PLCH1: variants seen among roughly 807,000 people sequenced by gnomAD.
The protein encoded by PLCH1 is 1-phosphatidylinositol 4,5-bisphosphate phosphodiesterase eta-1.
Under a neutral mutation model 126.7 loss-of-function variants are expected in PLCH1, and 60 were observed. The observed-to-expected ratio is 0.47, with a 90% confidence interval of 0.38 to 0.59. PLCH1 has a LOEUF of 0.59. PLCH1 is among the 20% of genes least tolerant of loss of function. The probability of loss-of-function intolerance (pLI) is 0.00; values close to 1 mark genes in which losing one functional copy is unlikely to be tolerated. For missense variants in PLCH1, 1,723 were observed against 2,040.0 expected (o/e 0.84, Z 2.99); for synonymous variants, 719 against 734.9 (o/e 0.98, Z 0.35).
chr3:155,468,269 A>G (rs1193844072), intron 21 of PLCH1, among the ~76,000 whole-genome samples: 1 of 152,224 alleles, frequency 6.6e-6, no homozygotes, highest in East Asian at 1.9e-4. Context: ...CAAAAAAATA[A>G]AAAGCAAGAA....
chr3:155,595,938 G>A (rs1445125306), intron 3 of PLCH1, among the ~76,000 whole-genome samples: 1 of 151,608 alleles, frequency 6.6e-6, no homozygotes, highest in Non-Finnish European at 1.5e-5. Context: ...TTATAGGAAT[G>A]TAAAACATCT....
At chr3:155,457,023 A>T (rs1206648494) in intron 21 of PLCH1, 2 of 152,326 alleles carry the variant, frequency 1.3e-5, no homozygotes, top group African/African-American at 4.8e-5. Flanking sequence ...CTGATTTGGG[A>T]ACAGGCGAGA....
intron 8 of PLCH1, among the ~76,000 whole-genome samples, chr3:155,558,381 G>A (rs1452266084): frequency 6.6e-6 from 1 of 152,138 alleles, no homozygotes; most frequent in South Asian, 2.1e-4. Context: ...CAGATAAAAT[G>A]CCACTAGGTA....
intron 2 of PLCH1, among the ~76,000 whole-genome samples, chr3:155,674,360 C>T (rs1310170272): frequency 1.3e-5 from 2 of 152,118 alleles, no homozygotes; most frequent in Non-Finnish European, 2.9e-5. Context: ...CTTTGTACTC[C>T]AGTCAATTGA....
intron 6 of PLCH1, among the ~76,000 whole-genome samples, chr3:155,574,524 G>A (rs1729679420): frequency 6.6e-6 from 1 of 152,086 alleles, no homozygotes; most frequent in Admixed American, 6.5e-5. Context: ...CTCCTCTCCT[G>A]TTCTCTTTGT....
chr3:155,727,760 A>C (rs753786737), intron 1 of PLCH1, among the ~76,000 whole-genome samples: 11 of 152,184 alleles, frequency 7.2e-5, no homozygotes, highest in Non-Finnish European at 1.5e-4. Context: ...TAAATTCCAG[A>C]TGCATACCTG....
chr3:155,529,759 T>TTTTTGTTTTG (rs71155050), intron 10 of PLCH1, among the ~76,000 whole-genome samples: 110,415 of 150,490 alleles, frequency 0.73, 42,020 homozygotes, highest in Non-Finnish European at 0.85. Context: ...ATTTGCTTCT[T>TTTTTGTTTTG]TTTTGTTTTG....
chr3:155,630,277 G>A (rs1310865292), intron 2 of PLCH1, among the ~76,000 whole-genome samples: 1 of 152,242 alleles, frequency 6.6e-6, no homozygotes, highest in Non-Finnish European at 1.5e-5. Flanking sequence ...CTCAGAGCCA[G>A]TGAATTTTAG....
intron 1 of PLCH1, among the ~76,000 whole-genome samples, chr3:155,734,410 T>G (rs543456397): frequency 2.6e-5 from 4 of 152,244 alleles, no homozygotes; most frequent in African/African-American, 9.6e-5. Context: ...CAGTGAGCCA[T>G]GATCGCACCA....
chr3:155,607,765 C>G (rs962072330), intron 2 of PLCH1, among the ~76,000 whole-genome samples: 1 of 152,054 alleles, frequency 6.6e-6, no homozygotes, highest in South Asian at 2.1e-4. Context: ...AAAATATCTT[C>G]AAAATATAGG....
chr3:155,621,919 A>C (rs764908196), intron 2 of PLCH1, among the ~76,000 whole-genome samples: 4 of 152,174 alleles, frequency 2.6e-5, no homozygotes, highest in Non-Finnish European at 4.4e-5. Flanking sequence ...GAACACCACA[A>C]AGATAATCCT....
At chr3:155,546,198 T>C (rs1480766079) in intron 10 of PLCH1, among the ~76,000 whole-genome samples, 1 of 152,154 alleles carries the variant, frequency 6.6e-6, no homozygotes, top group Non-Finnish European at 1.5e-5. Context: ...AGTCTCAGGA[T>C]ACAAAATCAA....
intron 2 of PLCH1, among the ~76,000 whole-genome samples, chr3:155,659,294 A>G (rs969287070): frequency 7.6e-5 from 6 of 78,696 alleles, no homozygotes; most frequent in Admixed American, 3.3e-4. Flanking sequence ...TGAGATGTCT[A>G]TTCACTTCTT....
chr3:155,483,408 A>G, intron 22 of PLCH1: 1 of 1,508,414 alleles, frequency 6.6e-7, no homozygotes, highest in Non-Finnish European at 9.0e-7. Context: ...GAAACAGAAC[A>G]AGACAGCTCT....
In PLCH1 at chr3:155,547,011, G is replaced by A. The variant is rs372031301; in HGVS notation, c.1362+2776C>T. On this transcript the variant is annotated intron_variant, in intron 10 of 22. Transcript: ENST00000460012. ...CTTCATGTCTAAAACACCAAAAGCA[G>A]TGGCAACAAAAGCCAAAATTGACAA... 5.5e-3 allele frequency among the ~76,000 whole-genome samples: 794 copies of A among 143,144 alleles called. 14 individuals carry two copies. The highest frequency in any genetic ancestry group is 0.02 in the African/African-American group (768 of 38,248). The allele number at this position is 143,144 out of a possible 152,430, so 93.9% of individuals were successfully genotyped here.
rs186195667 is a variant in PLCH1 at position 155,549,712 on chromosome 3, C to T, written c.1362+75G>A. The T allele has an allele frequency of 1.3e-5, 13 of 1,016,212 alleles. No individual in the cohort carries two copies. In the East Asian group the frequency reaches 1.7e-4, roughly 13 times the overall value. The allele number at this position is 1,016,212 out of a possible 1,614,324, so 62.9% of individuals were successfully genotyped here. ...TCTAATTATTATTCTCCCTTGAAAC[C>T]CATTTTTATTCTTTAAGGGAGGGCA... On this transcript the variant is annotated intron_variant, in intron 10 of 22. Transcript: ENST00000460012.
chr3:155,611,339 G>T (rs979018500), intron 2 of PLCH1, among the ~76,000 whole-genome samples: 1 of 151,974 alleles, frequency 6.6e-6, no homozygotes, highest in African/African-American at 2.4e-5. Context: ...GCAGTGAGCC[G>T]AGATCAGGCC....
intron 3 of PLCH1, 112 bp from the exon 4 acceptor site, chr3:155,594,296 G>A: frequency 9.8e-7 from 1 of 1,024,812 alleles, no homozygotes. Context: ...TAAGTATGAG[G>A]CTGGGTGCTC....
At chr3:155,463,189 C>G (rs936479009) in intron 21 of PLCH1, among the ~76,000 whole-genome samples, 5 of 152,166 alleles carry the variant, frequency 3.3e-5, no homozygotes, top group African/African-American at 1.2e-4. Context: ...TCCCACCCCC[C>G]AGTGAAATAG....
Sources: gnomAD v4.1 joint callset for allele counts (sites outside exome capture counted in the v4.1 genomes callset) on GRCh38, gnomAD v4.1.1 for gene constraint, MANE v1.5 for transcripts, NCBI Gene and HGNC (gene_info 2026-07-23, HGNC 2026-07-21) for gene names.